CALN1: variants seen among roughly 807,000 people sequenced by gnomAD.
CALN1 encodes the protein calcium-binding protein 8.
CALN1 carries 17 observed loss-of-function variants against 30.6 expected under a neutral mutation model. The observed-to-expected ratio is 0.56, with a 90% confidence interval of 0.38 to 0.83. CALN1 has a LOEUF of 0.83. Among genes scored for constraint, CALN1 ranks in the 40% least tolerant of loss-of-function variants. The probability of loss-of-function intolerance (pLI) is 0.00; values close to 1 mark genes in which losing one functional copy is unlikely to be tolerated. For synonymous variants in CALN1, 156 were observed against 131.4 expected, an observed-to-expected ratio of 1.19 and a Z score of -1.28; for missense variants, 291 against 354.9, an observed-to-expected ratio of 0.82 and a Z score of 1.45.
At chr7:72,163,796 TGA>T (rs1392607647) in intron 3 of CALN1, among the ~76,000 whole-genome samples, 1 of 152,080 alleles carries the variant, frequency 6.6e-6, no homozygotes, top group African/African-American at 2.4e-5. Context: ...TGTGAGACAA[TGA>T]GAGATTTAAC....
At chr7:72,095,501 A>AT (rs1270911236) in intron 4 of CALN1, among the ~76,000 whole-genome samples, 2 of 151,990 alleles carry the variant, frequency 1.3e-5, no homozygotes, top group Admixed American at 6.6e-5. Flanking sequence ...TTGCAGAGAC[A>AT]TTTTTCTTTA....
At chr7:72,381,355 C>T (rs867171978) in intron 2 of CALN1, among the ~76,000 whole-genome samples, 53 of 152,266 alleles carry the variant, frequency 3.5e-4, no homozygotes, top group African/African-American at 1.2e-3. Flanking sequence ...CAAAGGATTA[C>T]AAATCATTCT....
chr7:72,151,014 C>T (rs1423841003), intron 3 of CALN1, among the ~76,000 whole-genome samples: 1 of 152,152 alleles, frequency 6.6e-6, no homozygotes, highest in Non-Finnish European at 1.5e-5. Context: ...GGCCCTCACA[C>T]TGCCTTCCCG....
rs1279357748 is a variant in CALN1, at chr7:72,110,650, CACTA to C, written c.245-4360_245-4357del. 1.9e-3 allele frequency among the ~76,000 whole-genome samples: 268 copies of C among 143,588 alleles called. 2 individuals are homozygous for C. Among genetic ancestry groups the C allele is most frequent in the African/African-American group, 6.3e-3 (241 of 38,038 alleles). 94.2% of individuals were successfully genotyped at this position (143,588 alleles called of 152,430 possible). ...TCTGTCTGCAGAAGCAGACAAACCT[CACTA>C]ACTTTTTTTTTTTTTTTCAAAATAG... On this transcript the variant is annotated intron_variant, in intron 3 of 6. Transcript: ENST00000395275.
chr7:72,451,054 T>C (rs1399695337), upstream of CALN1, among the ~76,000 whole-genome samples: 1 of 151,116 alleles, frequency 6.6e-6, no homozygotes, highest in Non-Finnish European at 1.5e-5. Flanking sequence ...TTCTCCACAG[T>C]TCCTCAGAAC....
chr7:72,133,745 A>G (rs769419226), intron 3 of CALN1, among the ~76,000 whole-genome samples: 1 of 152,224 alleles, frequency 6.6e-6, no homozygotes, highest in Non-Finnish European at 1.5e-5. Flanking sequence ...TCACCCCTAC[A>G]TATCACCTGA....
At chr7:71,811,177 C>G (rs1199596479) in intron 5 of CALN1, among the ~76,000 whole-genome samples, 1 of 151,112 alleles carries the variant, frequency 6.6e-6, no homozygotes, top group Non-Finnish European at 1.5e-5. Flanking sequence ...GATTACAGGC[C>G]TGAGCCACCA....
rs376414660 is a variant in CALN1 at position 72,339,217 on chromosome 7, T to C, written c.120-60407A>G. The stretch of plus-strand genomic sequence containing the variant: ...GTCCCACATTTTCTTTATTCATTTG[T>C]TGATGGACACATGGGTTGCTTCCAA... On this transcript the variant is annotated intron_variant, in intron 2 of 6. Transcript: ENST00000395275. Among the ~76,000 whole-genome samples the C allele has an allele frequency of 2.0e-4, 30 of 152,342 alleles. No individual in the cohort carries two copies. The East Asian group carries it at 5.6e-3, about 28-fold the overall frequency.
chr7:72,330,874 G>A (rs1467442721), intron 2 of CALN1, among the ~76,000 whole-genome samples: 1 of 152,152 alleles, frequency 6.6e-6, no homozygotes, highest in Non-Finnish European at 1.5e-5. Flanking sequence ...ATTTAGTCTT[G>A]CTCGGACTTC....
At chr7:72,202,097 A>T (rs1791479697) in intron 3 of CALN1, among the ~76,000 whole-genome samples, 1 of 152,216 alleles carries the variant, frequency 6.6e-6, no homozygotes, top group African/African-American at 2.4e-5. Context: ...GAGCCTCCTA[A>T]AGGAAAAATG....
At chr7:72,299,592 C>T (rs1799108375) in intron 2 of CALN1, among the ~76,000 whole-genome samples, 5 of 149,204 alleles carry the variant, frequency 3.4e-5, no homozygotes. Context: ...AGACAATTCA[C>T]AAAACTGGAA....
intron 3 of CALN1, among the ~76,000 whole-genome samples, chr7:72,117,984 A>G (rs1400437952): frequency 6.6e-6 from 1 of 151,450 alleles, no homozygotes; most frequent in East Asian, 1.9e-4. Context: ...AAAAAAAAAG[A>G]ATCACTGTTG....
intron 2 of CALN1, among the ~76,000 whole-genome samples, chr7:72,310,350 T>C (rs937148491): frequency 1.3e-5 from 2 of 149,542 alleles, no homozygotes; most frequent in African/African-American, 5.0e-5. Flanking sequence ...GAGGCTGATA[T>C]GTGGTCAGAA....
intron 2 of CALN1, among the ~76,000 whole-genome samples, chr7:72,293,460 C>A (rs931680232): frequency 1.3e-5 from 2 of 152,074 alleles, no homozygotes; most frequent in Non-Finnish European, 2.9e-5. Flanking sequence ...GGAAAAATAC[C>A]CCAGCCTCTC....
At chr7:71,797,820 C>T (rs570570678) in intron 6 of CALN1, among the ~76,000 whole-genome samples, 3 of 152,246 alleles carry the variant, frequency 2.0e-5, no homozygotes, top group East Asian at 1.9e-4. Context: ...GGAACTTAGT[C>T]CCTGACTTCA....
chr7:72,363,349 C>T (rs760621455), intron 2 of CALN1, among the ~76,000 whole-genome samples: 6 of 152,016 alleles, frequency 3.9e-5, no homozygotes, highest in Non-Finnish European at 7.4e-5. Flanking sequence ...ATCGATTCTC[C>T]GGCCTCAGCC....
chr7:72,161,671 G>A (rs373182530), intron 3 of CALN1, among the ~76,000 whole-genome samples: 3 of 152,034 alleles, frequency 2.0e-5, no homozygotes, highest in African/African-American at 7.2e-5. Context: ...GAAAGTTGGC[G>A]ATTCTTGTAC....
chr7:71,944,548 C>T lies in CALN1; in HGVS notation c.501+79109G>A, dbSNP rs566695769. 2.8e-3 allele frequency among the ~76,000 whole-genome samples: 357 copies of T among 127,880 alleles called. 1 individual carries two copies. Among genetic ancestry groups the T allele is most frequent in the African/African-American group, 0.011 (348 of 32,970 alleles). The allele number at this position is 127,880 out of a possible 152,430, so 83.9% of individuals were successfully genotyped here. On this transcript the variant is annotated intron_variant, in intron 5 of 6. Coordinates refer to ENST00000395275, the MANE Select transcript of CALN1 (RefSeq NM_031468.4). ...GGCAGAGGTTGCAGTGAGCCGAAAT[C>T]GTGCCATTGCACTCCAGCCTGGGCA...
At position 72,382,040 on chromosome 7, in the gene CALN1, C is replaced by T. The variant is rs545682408; in HGVS notation, c.119+21211G>A. Among the ~76,000 whole-genome samples, 23 of 152,272 alleles carry T rather than the reference C, an allele frequency of 1.5e-4. 1 individual carries two copies. In the East Asian group the frequency reaches 3.7e-3, roughly 24 times the overall value. ...GAAGAGACTCACAGGTAATAGTTAA[C>T]ATTTTTGAAATTTATGGGTGGAGGG... is the stretch of plus-strand genomic sequence containing the variant. On this transcript the variant is annotated intron_variant, in intron 2 of 6. Transcript: ENST00000395275.
Sources: gnomAD v4.1 joint callset for allele counts (sites outside exome capture counted in the v4.1 genomes callset) on GRCh38, gnomAD v4.1.1 for gene constraint, MANE v1.5 for transcripts, NCBI Gene and HGNC (gene_info 2026-07-23, HGNC 2026-07-21) for gene names.